Variants in TENM4 observed in about 807,000 individuals in gnomAD.
The protein encoded by TENM4 is teneurin transmembrane protein 4.
Under a neutral mutation model 243.3 loss-of-function variants are expected in TENM4, and 82 were observed. That is an observed-to-expected ratio of 0.34 (90% CI 0.28 to 0.40). TENM4 has a LOEUF of 0.40. TENM4 is among the 10% of genes least tolerant of loss of function. TENM4 has a pLI of 1.00. For synonymous variants in TENM4, 1,412 were observed against 1,456.3 expected, an observed-to-expected ratio of 0.97 and a Z score of 0.69; for missense variants, 3,138 against 3,673.3, an observed-to-expected ratio of 0.85 and a Z score of 3.77.
At chr11:79,039,591 G>A (rs1267494096) in intron 6 of TENM4, among the ~76,000 whole-genome samples, 3 of 152,198 alleles carry the variant, frequency 2.0e-5, no homozygotes, top group Non-Finnish European at 4.4e-5. Flanking sequence ...AGATGGGCAG[G>A]AACCCCTCAG....
chr11:79,225,697 T>C (rs1375830118), intron 2 of TENM4, among the ~76,000 whole-genome samples: 1 of 152,160 alleles, frequency 6.6e-6, no homozygotes, highest in Non-Finnish European at 1.5e-5. Flanking sequence ...CAGACTGGTC[T>C]CGAACTCCTG....
At chr11:78,787,535 C>T (rs1856966098) in intron 15 of TENM4, among the ~76,000 whole-genome samples, 1 of 152,162 alleles carries the variant, frequency 6.6e-6, no homozygotes, top group Non-Finnish European at 1.5e-5. Flanking sequence ...CAATGAAGTG[C>T]TTGTGGTCTG....
At chr11:79,335,951 C>T (rs1363821129) in intron 1 of TENM4, among the ~76,000 whole-genome samples, 1 of 151,706 alleles carries the variant, frequency 6.6e-6, no homozygotes, top group African/African-American at 2.4e-5. Context: ...CATCTGGGAC[C>T]ACTTCCTCTA....
At chr11:79,400,138 CA>C (rs1565330519) in intron 1 of TENM4, among the ~76,000 whole-genome samples, 7 of 150,918 alleles carry the variant, frequency 4.6e-5, no homozygotes, top group African/African-American at 9.8e-5. Context: ...CACACACACA[CA>C]CACACACCCT....
chr11:79,017,257 A>G (rs1858800699), intron 6 of TENM4, among the ~76,000 whole-genome samples: 1 of 152,192 alleles, frequency 6.6e-6, no homozygotes. Flanking sequence ...GGCTGAAGGA[A>G]TAGTCTAGAT....
intron 1 of TENM4, among the ~76,000 whole-genome samples, chr11:79,362,391 A>G (rs774806507): frequency 1.3e-5 from 2 of 152,258 alleles, no homozygotes; most frequent in African/African-American, 4.8e-5. Flanking sequence ...CGGAAATAGG[A>G]TGCTCTAATC....
chr11:79,278,096 G>A (rs1856091729), intron 2 of TENM4, among the ~76,000 whole-genome samples: 2 of 152,212 alleles, frequency 1.3e-5, no homozygotes, highest in Admixed American at 1.3e-4. Flanking sequence ...AAGCAGATTT[G>A]AGAGAGAGCG....
intron 4 of TENM4, among the ~76,000 whole-genome samples, chr11:79,138,333 TATATATAATATATAAAA>T (rs1046372229): frequency 3.9e-5 from 3 of 77,016 alleles, no homozygotes; most frequent in African/African-American, 1.6e-4. Flanking sequence ...ATATATATTA[TATATATAATATATAAAA>T]ATATATAATA....
chr11:79,107,187 G>C (rs1861392480), intron 4 of TENM4, among the ~76,000 whole-genome samples: 1 of 152,136 alleles, frequency 6.6e-6, no homozygotes, highest in African/African-American at 2.4e-5. Context: ...CATGGCTACA[G>C]GGTCCATATC....
chr11:79,010,893 A>G (rs1858626073), intron 6 of TENM4, among the ~76,000 whole-genome samples: 1 of 152,194 alleles, frequency 6.6e-6, no homozygotes, highest in Admixed American at 6.5e-5. Flanking sequence ...TTTAGGAGAA[A>G]GAAGACAGGC....
chr11:78,821,720 T>C (rs904886546), intron 12 of TENM4, among the ~76,000 whole-genome samples: 8 of 152,202 alleles, frequency 5.3e-5, no homozygotes, highest in Non-Finnish European at 8.8e-5. Context: ...AAGGGGGTTA[T>C]GACATCTGTT....
intron 1 of TENM4, among the ~76,000 whole-genome samples, chr11:79,312,984 A>G (rs546716157): frequency 2.0e-4 from 30 of 152,304 alleles, no homozygotes; most frequent in East Asian, 7.7e-4. Context: ...ACCTAATTCT[A>G]CATTCATTAA....
chr11:78,902,486 G>A (rs1855951706), intron 7 of TENM4, among the ~76,000 whole-genome samples: 1 of 152,214 alleles, frequency 6.6e-6, no homozygotes, highest in Non-Finnish European at 1.5e-5. Context: ...GGTGGCTGGG[G>A]TGTAGGTGAA....
At chr11:79,273,976 G>T (rs1313975788) in intron 2 of TENM4, among the ~76,000 whole-genome samples, 2 of 152,218 alleles carry the variant, frequency 1.3e-5, no homozygotes, top group Non-Finnish European at 2.9e-5. Flanking sequence ...ATCAGTGAAA[G>T]GGAAGAATGC....
chr11:79,210,510 T>C (rs1177012632), intron 3 of TENM4, among the ~76,000 whole-genome samples: 1 of 152,180 alleles, frequency 6.6e-6, no homozygotes, highest in Non-Finnish European at 1.5e-5. Context: ...CAGTAAACAC[T>C]GAAGGCCAAG....
intron 1 of TENM4, among the ~76,000 whole-genome samples, chr11:79,370,546 T>TAA (rs1316622453): frequency 6.6e-6 from 1 of 152,174 alleles, no homozygotes; most frequent in Non-Finnish European, 1.5e-5. Context: ...CCTTGGCTTA[T>TAA]GAGGTCCTCT....
At chr11:79,163,549 C>A (rs11237735) in intron 3 of TENM4, among the ~76,000 whole-genome samples, 2 of 151,450 alleles carry the variant, frequency 1.3e-5, no homozygotes, top group African/African-American at 2.4e-5. Context: ...CCCCTCCTAC[C>A]CTTTCCCCTG....
chr11:79,393,617 G>A (rs1415892854), intron 1 of TENM4, among the ~76,000 whole-genome samples: 2 of 152,216 alleles, frequency 1.3e-5, no homozygotes, highest in Non-Finnish European at 2.9e-5. Flanking sequence ...TGCAAAAAAG[G>A]CAGGCTGAGG....
At chr11:79,316,860 T>G (rs1438165973) in intron 1 of TENM4, among the ~76,000 whole-genome samples, 3 of 152,156 alleles carry the variant, frequency 2.0e-5, no homozygotes, top group African/African-American at 7.2e-5. Context: ...TGGAAAGAAA[T>G]AAGCAGAGGT....
Sources: gnomAD v4.1 joint callset for allele counts (sites outside exome capture counted in the v4.1 genomes callset) on GRCh38, gnomAD v4.1.1 for gene constraint, MANE v1.5 for transcripts, NCBI Gene and HGNC (gene_info 2026-07-23, HGNC 2026-07-21) for gene names.